Variants in MIB1 observed in about 807,000 individuals in gnomAD.
The protein encoded by MIB1 is E3 ubiquitin-protein ligase MIB1.
A neutral mutation model predicts 124.5 loss-of-function variants in MIB1; 278 were observed. The ratio of observed to expected loss-of-function variants is 2.23; its 90% CI spans 2.02 to 2.47. MIB1 has a LOEUF of 2.47. MIB1 is among the 30% of genes most tolerant of loss of function. MIB1 has a pLI of 0.00. For synonymous variants in MIB1, 446 were observed against 429.4 expected, an observed-to-expected ratio of 1.04 and a Z score of -0.48; for missense variants, 957 against 1,254.4, an observed-to-expected ratio of 0.76 and a Z score of 3.58.
chr18:21,709,504 G>A (rs887432750), intron 1 of MIB1, among the ~76,000 whole-genome samples: 1 of 152,054 alleles, frequency 6.6e-6, no homozygotes, highest in African/African-American at 2.4e-5. Flanking sequence ...CACTACAATG[G>A]ATTATCCCTG....
intron 1 of MIB1, among the ~76,000 whole-genome samples, chr18:21,707,541 A>G (rs6508562): frequency 0.12 from 18,362 of 152,208 alleles, 3,670 homozygotes; most frequent in African/African-American, 0.42. Flanking sequence ...TTTATGAGCT[A>G]TAACACTCAC....
intron 7 of MIB1, among the ~76,000 whole-genome samples, chr18:21,793,581 G>C (rs1213171616): frequency 6.6e-6 from 1 of 151,954 alleles, no homozygotes; most frequent in African/African-American, 2.4e-5. Context: ...AAGGAGTTGA[G>C]ACCAGCCTGA....
chr18:21,835,143 A>G (rs2042015049), intron 12 of MIB1, among the ~76,000 whole-genome samples: 1 of 152,172 alleles, frequency 6.6e-6, no homozygotes, highest in Admixed American at 6.5e-5. Flanking sequence ...AGAAAATATT[A>G]TGTTTAGTCT....
At chr18:21,764,851 C>T (rs924857708) in intron 1 of MIB1, among the ~76,000 whole-genome samples, 10 of 152,010 alleles carry the variant, frequency 6.6e-5, no homozygotes, top group Admixed American at 5.2e-4. Context: ...AACTTGAATC[C>T]AGGAGAGTGT....
At chr18:21,778,978 CT>C (rs1449693640) in intron 5 of MIB1, among the ~76,000 whole-genome samples, 1 of 152,028 alleles carries the variant, frequency 6.6e-6, no homozygotes, top group Non-Finnish European at 1.5e-5. Flanking sequence ...TCAGAACTAG[CT>C]TTTGAAAATA....
Position 21,853,217 on chromosome 18 carries a change from G to T in MIB1, c.2664G>T (p.Glu888Asp). ...FQPCGHMCAC[E>D]NCANLMKKCV... is the part of the protein sequence containing the mutation. Reference sequence around the variant, plus strand: ...CCTGTGGCCACATGTGTGCTTGTGAGAGTAAGTAGCCTATGCAGAGTTCCT... The same window carrying T: ...CCTGTGGCCACATGTGTGCTTGTGATAGTAAGTAGCCTATGCAGAGTTCCT... Residue 888 changes from glutamate (E) to aspartate (D), a missense_variant and splice_region_variant, in exon 18 of 21, where the codon GAG becomes GAT. Transcript: ENST00000261537. The T allele has an allele frequency of 6.2e-7, 1 of 1,604,314 alleles. No homozygotes were observed.
intron 13 of MIB1, 51 bp from the exon 14 acceptor site, chr18:21,843,080 T>C (rs1226692790): frequency 3.0e-6 from 4 of 1,345,172 alleles, no homozygotes; most frequent in Non-Finnish European, 4.2e-6. Flanking sequence ...GTTTTCATGT[T>C]CTTTACTGTT....
intron 1 of MIB1, among the ~76,000 whole-genome samples, chr18:21,715,826 A>T (rs1365118723): frequency 6.6e-6 from 1 of 152,172 alleles, no homozygotes; most frequent in Non-Finnish European, 1.5e-5. Context: ...AAAAAAGAAT[A>T]AGAAAATATG....
chr18:21,758,974 A>G (rs1438040454), intron 1 of MIB1, among the ~76,000 whole-genome samples: 1 of 152,120 alleles, frequency 6.6e-6, no homozygotes, highest in East Asian at 1.9e-4. Flanking sequence ...TTTAATGTAT[A>G]CAAGTGAATA....
intron 12 of MIB1, among the ~76,000 whole-genome samples, chr18:21,831,668 G>C (rs1475999183): frequency 1.3e-5 from 2 of 151,750 alleles, no homozygotes; most frequent in East Asian, 3.9e-4. Context: ...TTTTGAGGGG[G>C]GGTAAGCACT....
rs1284779754 is a variant in MIB1 at position 21,867,111 on chromosome 18, A to G, written c.*2445A>G. The G allele has an allele frequency of 3.9e-5, 6 of 152,610 alleles. No homozygotes were observed. Among genetic ancestry groups the G allele is most frequent in the Non-Finnish European group, 8.8e-5 (6 of 68,028 alleles). The allele number at this position is 152,610 out of a possible 1,614,324, so 9.5% of individuals were successfully genotyped here. A position where few individuals can be genotyped will look rare whatever the true frequency, so the allele number is the denominator to read the frequency against. On this transcript the variant is annotated 3_prime_UTR_variant, in exon 21 of 21. Coordinates refer to ENST00000261537, the MANE Select transcript of MIB1 (RefSeq NM_020774.4). Reference sequence around the variant, plus strand: ...AGAAACATTTATAAAAAAGAAAAAAACTGACACGCATTCATTCAAAAAAGT... The same window carrying G: ...AGAAACATTTATAAAAAAGAAAAAAGCTGACACGCATTCATTCAAAAAAGT...
At chr18:21,824,878 A>G (rs147275811) in intron 12 of MIB1, among the ~76,000 whole-genome samples, 6 of 152,188 alleles carry the variant, frequency 3.9e-5, no homozygotes, top group Non-Finnish European at 8.8e-5. Context: ...TGTTAGAGTA[A>G]TTGTCACTTT....
At chr18:21,720,296 G>A (rs1186207895) in intron 1 of MIB1, among the ~76,000 whole-genome samples, 1 of 152,042 alleles carries the variant, frequency 6.6e-6, no homozygotes, top group African/African-American at 2.4e-5. Flanking sequence ...AAAGCTAATG[G>A]GGACATTTTA....
chr18:21,805,900 CTT>C (rs35904303), intron 10 of MIB1, among the ~76,000 whole-genome samples: 2 of 105,118 alleles, frequency 1.9e-5, no homozygotes, highest in Non-Finnish European at 3.7e-5. Flanking sequence ...TCTTTCTTTC[CTT>C]TTTTTTTTTT....
chr18:21,806,352 C>A (rs1451209859), intron 10 of MIB1, among the ~76,000 whole-genome samples: 2 of 151,944 alleles, frequency 1.3e-5, no homozygotes, highest in Admixed American at 1.3e-4. Context: ...AGGTGTGTGC[C>A]ATCATGCTTG....
chr18:21,853,093 A>G (rs768006405), intron 17 of MIB1, 47 bp from the exon 18 acceptor site: 2 of 1,249,092 alleles, frequency 1.6e-6, no homozygotes, highest in South Asian at 1.2e-5. Flanking sequence ...AAGAGTTACT[A>G]GATTTATCTG....
rs1298610755 is a variant in MIB1, at chr18:21,866,522, C to T, written c.*1856C>T. On this transcript the variant is annotated 3_prime_UTR_variant, in exon 21 of 21. Transcript: ENST00000261537. ...ATGAAAACAGCATGTCAGGTTTTTC[C>T]TTTCCTTCCATGCCATGGGCTACCC... The T allele has an allele frequency of 6.6e-6, 1 of 152,130 alleles. No individual in the cohort carries two copies. The highest frequency in any genetic ancestry group is 1.5e-5 in the Non-Finnish European group (1 of 68,016). The allele number at this position is 152,130 out of a possible 1,614,324, so 9.4% of individuals were successfully genotyped here. A position where few individuals can be genotyped will look rare whatever the true frequency, so the allele number is the denominator to read the frequency against.
intron 1 of MIB1, among the ~76,000 whole-genome samples, chr18:21,748,863 G>A (rs903637319): frequency 1.3e-5 from 2 of 151,180 alleles, no homozygotes; most frequent in African/African-American, 4.9e-5. Flanking sequence ...CTCCCGAGTA[G>A]CTAGGACTAT....
At chr18:21,782,620 G>A (rs2041383586) in intron 6 of MIB1, among the ~76,000 whole-genome samples, 1 of 152,034 alleles carries the variant, frequency 6.6e-6, no homozygotes, top group South Asian at 2.1e-4. Context: ...TTGCATTGTG[G>A]TCAGAAAAGA....
Sources: gnomAD v4.1 joint callset for allele counts (sites outside exome capture counted in the v4.1 genomes callset) on GRCh38, gnomAD v4.1.1 for gene constraint, MANE v1.5 for transcripts, NCBI Gene and HGNC (gene_info 2026-07-23, HGNC 2026-07-21) for gene names.